The following LIMS4 variants were observed in gnomAD, a reference collection of about 807,000 sequenced individuals.
LIMS4 encodes the protein LIM and senescent cell antigen-like-containing domain protein 4.
chr2:110,432,957 C>T, the LIMS4 span, among the ~76,000 whole-genome samples: 1 of 128,574 alleles, frequency 7.8e-6, no homozygotes, highest in East Asian at 2.9e-4. Context: ...CTGCTCAGGC[C>T]GTGAGCTACC....
the LIMS4 span, among the ~76,000 whole-genome samples, chr2:110,392,332 G>A: frequency 6.6e-5 from 10 of 151,050 alleles, no homozygotes; most frequent in African/African-American, 1.2e-4. Context: ...CCAGCTACTC[G>A]GGAGGCTGAG....
chr2:110,442,662 CATATAT>C (rs1553509916), downstream of LIMS4, among the ~76,000 whole-genome samples: 2 of 141,440 alleles, frequency 1.4e-5, no homozygotes, highest in East Asian at 4.0e-4. Context: ...TATATACACA[CATATAT>C]ATATATATAT....
chr2:110,456,669 A>AATG (rs1331980226), intron 3 of LIMS4, among the ~76,000 whole-genome samples: 1 of 134,906 alleles, frequency 7.4e-6, no homozygotes, highest in African/African-American at 3.0e-5. Context: ...ACCAGTGTGA[A>AATG]ATGACTGAAG....
chr2:110,425,570 AG>A, the LIMS4 span, among the ~76,000 whole-genome samples: 1 of 140,576 alleles, frequency 7.1e-6, no homozygotes, highest in East Asian at 2.0e-4. Context: ...TAAAATAGGG[AG>A]GTTATCCTGG....
the LIMS4 span, among the ~76,000 whole-genome samples, chr2:110,395,672 T>C: frequency 2.4e-5 from 1 of 40,938 alleles, no homozygotes; most frequent in Non-Finnish European, 4.6e-5. Flanking sequence ...CAAGCTCCCT[T>C]CCAAGGGTCG....
At chr2:110,382,096 AAAATATATATAT>A in the LIMS4 span, among the ~76,000 whole-genome samples, 6 of 73,130 alleles carry the variant, frequency 8.2e-5, no homozygotes, top group Admixed American at 4.0e-4. Flanking sequence ...AAAAAAAAAA[AAAATATATATAT>A]ATATATATAT....
At chr2:110,443,058 C>CTTTTTA (rs1688169935), downstream of LIMS4, among the ~76,000 whole-genome samples, 1 of 105,868 alleles carries the variant, frequency 9.4e-6, no homozygotes, top group African/African-American at 4.4e-5. Context: ...TTTTTTTTTT[C>CTTTTTA]TTTTTCTTTT....
At chr2:110,422,471 C>A in the LIMS4 span, among the ~76,000 whole-genome samples, 1 of 118,826 alleles carries the variant, frequency 8.4e-6, no homozygotes, top group Non-Finnish European at 1.6e-5. Flanking sequence ...GACGTATGCA[C>A]CAGAGCTTTT....
At chr2:110,397,297 T>C in the LIMS4 span, 2 of 140,312 alleles carry the variant, frequency 1.4e-5, no homozygotes, top group South Asian at 4.7e-4. Context: ...CATACTTTTG[T>C]CTATTATAGT....
chr2:110,378,997 C>T, the LIMS4 span, among the ~76,000 whole-genome samples: 1 of 148,286 alleles, frequency 6.7e-6, no homozygotes, highest in African/African-American at 2.6e-5. Context: ...CACACACACA[C>T]ACACAATTTA....
chr2:110,411,712 A>G, the LIMS4 span, among the ~76,000 whole-genome samples: 1 of 91,722 alleles, frequency 1.1e-5, no homozygotes, highest in East Asian at 3.3e-4. Flanking sequence ...ACATTGAATG[A>G]CCAGCACCTC....
the LIMS4 span, chr2:110,360,984 A>C: frequency 3.2e-6 from 5 of 1,576,646 alleles, no homozygotes; most frequent in Non-Finnish European, 4.3e-6. Flanking sequence ...CACACGGCAC[A>C]CTTGTGAACC....
the LIMS4 span, among the ~76,000 whole-genome samples, chr2:110,367,402 T>C: frequency 7.0e-6 from 1 of 143,880 alleles, no homozygotes; most frequent in African/African-American, 2.8e-5. Context: ...TAGAAAAGGA[T>C]AAAGAACCCA....
the LIMS4 span, among the ~76,000 whole-genome samples, chr2:110,368,844 A>G: frequency 7.0e-6 from 1 of 143,678 alleles, no homozygotes; most frequent in Admixed American, 7.0e-5. Flanking sequence ...TGATTCCTAA[A>G]TTGTTTCTTT....
chr2:110,399,813 AC>A, the LIMS4 span: 6 of 86,518 alleles, frequency 6.9e-5, no homozygotes, highest in African/African-American at 3.0e-4. Context: ...GAACATCAGC[AC>A]ACTGAACATG....
chr2:110,382,086 A>T, the LIMS4 span, among the ~76,000 whole-genome samples: 2 of 97,292 alleles, frequency 2.1e-5, no homozygotes, highest in Non-Finnish European at 3.8e-5. Flanking sequence ...AAAAAAAAAA[A>T]AAAAAAAAAA....
the LIMS4 span, among the ~76,000 whole-genome samples, chr2:110,411,269 T>C: frequency 2.5e-5 from 3 of 119,316 alleles, no homozygotes; most frequent in Non-Finnish European, 5.0e-5. Flanking sequence ...ATCAATTATT[T>C]TTTTCATTGA....
chr2:110,360,655 T>C, the LIMS4 span: 9 of 1,529,286 alleles, frequency 5.9e-6, no homozygotes, highest in South Asian at 1.1e-5. Flanking sequence ...GGCCATACCA[T>C]GTGTCTGCAT....
the LIMS4 span, chr2:110,361,379 G>GA: frequency 1.3e-6 from 1 of 758,316 alleles, no homozygotes; most frequent in East Asian, 2.4e-5. Context: ...CCTGACGTGG[G>GA]ATATGTACAC....
Sources: gnomAD v4.1 joint callset for allele counts (sites outside exome capture counted in the v4.1 genomes callset) on GRCh38, gnomAD v4.1.1 for gene constraint, MANE v1.5 for transcripts, NCBI Gene and HGNC (gene_info 2026-07-23, HGNC 2026-07-21) for gene names.